The following FGF13 variants were observed in gnomAD, a reference collection of about 807,000 sequenced individuals.
The protein encoded by FGF13 is fibroblast growth factor homologous factor 2.
Under a neutral mutation model 19.5 loss-of-function variants are expected in FGF13, and 2 were observed. The ratio of observed to expected loss-of-function variants is 0.10; its 90% CI spans 0.04 to 0.32. The LOEUF (loss-of-function observed/expected upper bound fraction) is 0.32, where lower values mean the gene tolerates loss of function less well. FGF13 is among the 10% of genes least tolerant of loss of function. The probability of loss-of-function intolerance (pLI) is 1.00; values close to 1 mark genes in which losing one functional copy is unlikely to be tolerated. For missense variants in FGF13, 113 were observed against 192.7 expected, an observed-to-expected ratio of 0.59 and a Z score of 2.45; for synonymous variants, 72 against 76.9, an observed-to-expected ratio of 0.94 and a Z score of 0.33.
intron 3 of FGF13, among the ~76,000 whole-genome samples, chrX:138,746,905 C>T (rs1329327407): frequency 9.0e-6 from 1 of 111,715 alleles, no homozygotes; most frequent in Non-Finnish European, 1.9e-5. Flanking sequence ...GTATGCAAGT[C>T]CCTTAGTATC....
chrX:138,711,313 T>A lies in FGF13; in HGVS notation c.-310A>T. 1.1e-6 allele frequency: 1 copy of A among 872,341 alleles called. No homozygotes were observed. The allele number at this position is 872,341 out of a possible 1,213,427, so 71.9% of individuals were successfully genotyped here. A position where few individuals can be genotyped will look rare whatever the true frequency, so the allele number is the denominator to read the frequency against. ...GCGGATGCTGAACTGCGCGACTGCGTGTGGTCGGCCCCTGCGCCCGGCGGA... is the reference window on the plus strand; with the variant it reads ...GCGGATGCTGAACTGCGCGACTGCGAGTGGTCGGCCCCTGCGCCCGGCGGA... On this transcript the variant is annotated 5_prime_UTR_variant, in exon 1 of 5. Coordinates refer to ENST00000315930, the MANE Select transcript of FGF13 (RefSeq NM_004114.5).
chrX:138,682,913 G>T (rs767507878), intron 3 of FGF13, among the ~76,000 whole-genome samples: 68 of 111,666 alleles, frequency 6.1e-4, no homozygotes, highest in African/African-American at 1.9e-3. Context: ...ATGCTTCAGA[G>T]GAATTGTTAG....
chrX:139,035,647 C>A (rs1483902294), intron 1 of FGF13, among the ~76,000 whole-genome samples: 1 of 111,258 alleles, frequency 9.0e-6, no homozygotes, highest in Non-Finnish European at 1.9e-5. Context: ...ACCACCCCTA[C>A]CATAAAGACA....
intron 1 of FGF13, among the ~76,000 whole-genome samples, chrX:139,095,491 C>A (rs1348082308): frequency 1.8e-5 from 2 of 111,843 alleles, no homozygotes; most frequent in Non-Finnish European, 3.8e-5. Context: ...GAGATGAGGT[C>A]ATAGAGAAGA....
chrX:138,977,133 T>A (rs1487170170), intron 1 of FGF13, among the ~76,000 whole-genome samples: 1 of 111,797 alleles, frequency 8.9e-6, no homozygotes, highest in Non-Finnish European at 1.9e-5. Flanking sequence ...GTCCAGAAAC[T>A]TTGTTCACAT....
At chrX:138,874,967 C>T (rs1438119331) in intron 1 of FGF13, among the ~76,000 whole-genome samples, 1 of 111,261 alleles carries the variant, frequency 9.0e-6, no homozygotes, top group Non-Finnish European at 1.9e-5. Context: ...TGTGACTGGG[C>T]GAGGTGGCTC....
intron 1 of FGF13, among the ~76,000 whole-genome samples, chrX:139,049,788 T>C (rs1372552895): frequency 2.7e-5 from 3 of 112,430 alleles, no homozygotes; most frequent in Admixed American, 1.9e-4. Flanking sequence ...AGCATTCCTT[T>C]TGATTTCTGG....
intron 1 of FGF13, among the ~76,000 whole-genome samples, chrX:138,896,477 A>G (rs1021107245): frequency 1.8e-5 from 2 of 111,394 alleles, no homozygotes; most frequent in African/African-American, 6.5e-5. Context: ...CATCCTGCAC[A>G]TGGCCGCCAA....
chrX:138,849,822 G>A (rs1386278285), intron 3 of FGF13, among the ~76,000 whole-genome samples: 1 of 111,979 alleles, frequency 8.9e-6, no homozygotes, highest in Non-Finnish European at 1.9e-5. Flanking sequence ...ACTTCCAGAT[G>A]TTTTCAAGTA....
intron 1 of FGF13, among the ~76,000 whole-genome samples, chrX:139,197,692 A>T (rs2084383506): frequency 9.0e-6 from 1 of 111,585 alleles, no homozygotes; most frequent in Admixed American, 9.5e-5. Context: ...ATAGATGATG[A>T]TAGAAATAAA....
intron 3 of FGF13, among the ~76,000 whole-genome samples, chrX:138,763,232 C>T: frequency 9.1e-6 from 1 of 110,475 alleles, no homozygotes; most frequent in Non-Finnish European, 1.9e-5. Flanking sequence ...TTACACTACA[C>T]ACATCTTATG....
chrX:138,879,988 AAAAC>A (rs1281994465), intron 1 of FGF13, among the ~76,000 whole-genome samples: 20 of 112,334 alleles, frequency 1.8e-4, no homozygotes, highest in Non-Finnish European at 3.4e-4. Flanking sequence ...TTACAAGAAA[AAAAC>A]AAACAACCCC....
At chrX:138,851,596 C>A (rs1161556615) in intron 3 of FGF13, among the ~76,000 whole-genome samples, 1 of 111,663 alleles carries the variant, frequency 9.0e-6, no homozygotes, top group African/African-American at 3.3e-5. Flanking sequence ...TTATGACAAA[C>A]CCACAGCCAA....
At chrX:138,737,009 T>C (rs145324773) in intron 1 of FGF13, among the ~76,000 whole-genome samples, 64 of 111,347 alleles carry the variant, frequency 5.7e-4, no homozygotes, top group Non-Finnish European at 1.2e-3. Flanking sequence ...ATTGAAAGGG[T>C]AGACTAAAGA....
In FGF13 at chrX:138,792,663, CTGT is replaced by C. The variant is rs200805856; in HGVS notation, c.217+64846_217+64848del. Among the ~76,000 whole-genome samples, 229 of 111,716 alleles carry C rather than the reference CTGT, an allele frequency of 2.0e-3. 4 individuals are homozygous for C. In the East Asian group the frequency reaches 0.042, roughly 21 times the overall value. On this transcript the variant is annotated intron_variant, in intron 3 of 6. Coordinates refer to the FGF13 transcript ENST00000436198. ...GATGGCCTGAGACTGATCCCACAGG[CTGT>C]TAAGAGAATCTGGAGACTGATGGGG... is the stretch of plus-strand genomic sequence containing the variant.
chrX:138,973,552 A>T (rs1427491977), intron 1 of FGF13, among the ~76,000 whole-genome samples: 1 of 111,148 alleles, frequency 9.0e-6, no homozygotes, highest in Non-Finnish European at 1.9e-5. Flanking sequence ...TTGTTTGTTG[A>T]TTTTCTGTCT....
At position 138,711,535 on chromosome X, in the gene FGF13, A is replaced by T; in HGVS notation, c.-532T>A. On this transcript the variant is annotated 5_prime_UTR_variant, in exon 1 of 5. Transcript: ENST00000315930. ...GCGCGCCCTCGCCCTGGCCCCTCCG[A>T]GTCTTCGACTAGTCCTTGCAACTTC... 7.9e-6 allele frequency: 6 copies of T among 756,127 alleles called. No individual in the cohort carries two copies. Among genetic ancestry groups the T allele is most frequent in the Non-Finnish European group, 9.4e-6 (6 of 640,152 alleles). 62.3% of individuals were successfully genotyped at this position (756,127 alleles called of 1,213,427 possible). A position where few individuals can be genotyped will look rare whatever the true frequency, so the allele number is the denominator to read the frequency against.
At chrX:138,915,201 CT>C (rs2091612098) in intron 1 of FGF13, among the ~76,000 whole-genome samples, 1 of 111,283 alleles carries the variant, frequency 9.0e-6, no homozygotes, top group African/African-American at 3.3e-5. Context: ...AAATAAATTC[CT>C]TTCTTCCCTG....
chrX:139,099,120 C>T (rs1000303455), intron 1 of FGF13, among the ~76,000 whole-genome samples: 7 of 110,654 alleles, frequency 6.3e-5, no homozygotes, highest in African/African-American at 2.3e-4. Context: ...CCTCTGGCCA[C>T]TCCCTGCCTA....
Sources: gnomAD v4.1 joint callset for allele counts (sites outside exome capture counted in the v4.1 genomes callset) on GRCh38, gnomAD v4.1.1 for gene constraint, MANE v1.5 for transcripts, NCBI Gene and HGNC (gene_info 2026-07-23, HGNC 2026-07-21) for gene names.